VPS33B: variants seen among roughly 807,000 people sequenced by gnomAD.
VPS33B encodes vacuolar protein sorting-associated protein 33B.
A neutral mutation model predicts 95.3 loss-of-function variants in VPS33B; 80 were observed. The observed-to-expected ratio is 0.84, with a 90% CI of 0.70 to 1.01. VPS33B has a LOEUF of 1.01. VPS33B is among the 50% of genes least tolerant of loss of function. The probability of loss-of-function intolerance (pLI) is 0.00; values close to 1 mark genes in which losing one functional copy is unlikely to be tolerated. For missense variants in VPS33B, 715 were observed against 773.4 expected (o/e 0.92, Z 0.90); for synonymous variants, 280 against 280.4 (o/e 1.00, Z 0.01).
At chr15:91,008,734 G>A (rs913038508) in intron 6 of VPS33B, among the ~76,000 whole-genome samples, 7 of 152,154 alleles carry the variant, frequency 4.6e-5, no homozygotes, top group African/African-American at 1.7e-4. Context: ...ATTAAATCAC[G>A]GTTGTGCTCC....
Position 91,000,956 on chromosome 15 carries a change from T to A in VPS33B, c.1480-365A>T, listed in dbSNP as rs981282199. 2.7e-6 allele frequency: 1 copy of A among 364,386 alleles called. No individual in the cohort carries two copies. Among genetic ancestry groups the A allele is most frequent in the Admixed American group, 4.1e-5 (1 of 24,188 alleles). 22.6% of individuals were successfully genotyped at this position (364,386 alleles called of 1,614,324 possible). ...TTAAATGAATGAATCTACCATGCTA[T>A]AAGACTACCAAACAAAAGAATCTTT... is the stretch of plus-strand genomic sequence containing the variant. On this transcript the variant is annotated intron_variant, in intron 19 of 22. Transcript: ENST00000333371. This position sits in a 1 kb window ranked among gnomAD's most constrained non-coding sequence, Gnocchi z 4.9.
Position 91,002,585 on chromosome 15 carries a change from G to A in VPS33B, c.1273-403C>T, listed in dbSNP as rs1287983789. Among the ~76,000 whole-genome samples, 3 of 149,134 alleles carry A rather than the reference G, an allele frequency of 2.0e-5. No homozygotes were observed. Among genetic ancestry groups the A allele is most frequent in the African/African-American group, 5.0e-5 (2 of 40,286 alleles). On this transcript the variant is annotated intron_variant, in intron 17 of 22. Coordinates refer to ENST00000333371, the MANE Select transcript of VPS33B (RefSeq NM_018668.5). This position sits in a 1 kb window ranked among gnomAD's most constrained non-coding sequence, Gnocchi z 4.7. ...GCAGAGGCTGCAGTGAGTGGAGATC[G>A]CGCCACTGCACTCTAGCTTGGGCAA...
rs1596376054 is a variant in VPS33B at position 91,022,270 on chromosome 15, C to T, written c.-21G>A. The T allele has an allele frequency of 6.5e-7, 1 of 1,538,196 alleles. No individual in the cohort carries two copies. Among genetic ancestry groups the T allele is most frequent in the East Asian group, 2.4e-5 (1 of 41,246 alleles). On this transcript the variant is annotated 5_prime_UTR_variant, in exon 1 of 23. Transcript: ENST00000333371. ...GCCATGGCAGCGGTCACCTGCGCCG[C>T]GGGGTGGAAGGACGCCCTTCGTTCT...
intron 4 of VPS33B, among the ~76,000 whole-genome samples, chr15:91,014,124 C>A (rs2040854859): frequency 6.8e-6 from 1 of 147,700 alleles, no homozygotes; most frequent in African/African-American, 2.5e-5. Context: ...GAGGCTAAGG[C>A]AAGAGAATCG....
At chr15:91,008,201 A>C (rs891459254) in intron 6 of VPS33B, among the ~76,000 whole-genome samples, 1 of 152,204 alleles carries the variant, frequency 6.6e-6, no homozygotes. Flanking sequence ...ATACAATGTG[A>C]TAAGTGGTGG....
At chr15:91,016,457 ACTG>A (rs2040930517) in intron 3 of VPS33B, among the ~76,000 whole-genome samples, 1 of 132,740 alleles carries the variant, frequency 7.5e-6, no homozygotes, top group Non-Finnish European at 1.5e-5. Flanking sequence ...ATCTTGGCTC[ACTG>A]CAACTCATCG....
At chr15:91,017,936 C>T in intron 1 of VPS33B, 51 bp from the exon 2 acceptor site, 2 of 1,588,830 alleles carry the variant, frequency 1.3e-6, no homozygotes, top group Non-Finnish European at 8.6e-7. Context: ...TGAGCTTCCG[C>T]AGCTGAGAAG....
chr15:91,020,391 G>T (rs1262224486), intron 1 of VPS33B, among the ~76,000 whole-genome samples: 3 of 152,200 alleles, frequency 2.0e-5, no homozygotes, highest in Non-Finnish European at 2.9e-5. Context: ...TAAGTCAGAA[G>T]TTAGTTAGGA....
At chr15:91,003,713 C>T (rs1363055366) in intron 16 of VPS33B, among the ~76,000 whole-genome samples, 2 of 152,184 alleles carry the variant, frequency 1.3e-5, no homozygotes, top group African/African-American at 2.4e-5. Context: ...GCTAGGATTA[C>T]AGGCATGAGC....
At position 91,006,805 on chromosome 15, in the gene VPS33B, A is replaced by G. The variant is rs1451178731; in HGVS notation, c.701-76T>C. On this transcript the variant is annotated intron_variant, in intron 9 of 22. Coordinates refer to ENST00000333371, the MANE Select transcript of VPS33B (RefSeq NM_018668.5). The surrounding 1 kb of genome is among the most constrained non-coding windows in gnomAD (Gnocchi z 5.4). ...CACAGCATGTCCAAGGGCAGCTTTGATACTTTCCATAGGGCCAAGGACCCA... is the reference window on the plus strand; with the variant it reads ...CACAGCATGTCCAAGGGCAGCTTTGGTACTTTCCATAGGGCCAAGGACCCA... 13 of 1,597,366 alleles carry G rather than the reference A, an allele frequency of 8.1e-6. No homozygotes were observed. Among genetic ancestry groups the G allele is most frequent in the Non-Finnish European group, 1.1e-5 (13 of 1,165,144 alleles).
At position 91,007,965 on chromosome 15, in the gene VPS33B, C is replaced by T; in HGVS notation, c.404-1G>A. ...AAGGCCCATTCATCACAGCTCACAT[C>T]TGTGGGGACAGAGAGCATCAGCCTC... On this transcript the variant is annotated splice_acceptor_variant, in intron 6 of 22. Transcript: ENST00000333371. LOFTEE classifies it high-confidence loss of function. The surrounding 1 kb of genome is among the most constrained non-coding windows in gnomAD (Gnocchi z 5.3). 1 of 1,614,182 alleles carries T rather than the reference C, an allele frequency of 6.2e-7. No individual in the cohort carries two copies. The highest frequency in any genetic ancestry group is 8.5e-7 in the Non-Finnish European group (1 of 1,180,006).
At position 91,018,845 on chromosome 15, in the gene VPS33B, T is replaced by G. The variant is rs1005698785; in HGVS notation, c.97-960A>C. Among the ~76,000 whole-genome samples the G allele has an allele frequency of 6.6e-6, 1 of 152,176 alleles. No individual in the cohort carries two copies. Among genetic ancestry groups the G allele is most frequent in the Non-Finnish European group, 1.5e-5 (1 of 68,028 alleles). On this transcript the variant is annotated intron_variant, in intron 1 of 22. Transcript: ENST00000333371. The surrounding 1 kb of genome is among the most constrained non-coding windows in gnomAD (Gnocchi z 4.7). Reference sequence around the variant, plus strand: ...TTTGTTTGTTTTTTGAGATGAAGTCTCCCTCTGACACCCAGGCTGGAGTGC... The same window carrying G: ...TTTGTTTGTTTTTTGAGATGAAGTCGCCCTCTGACACCCAGGCTGGAGTGC...
In VPS33B at chr15:91,007,255, A is replaced by T. The variant is rs187568485; in HGVS notation, c.604-209T>A. On this transcript the variant is annotated intron_variant, in intron 8 of 22. Transcript: ENST00000333371. The surrounding 1 kb of genome is among the most constrained non-coding windows in gnomAD (Gnocchi z 5.3). ...GAGAAGATGTGTTACTCTGTCCCCA[A>T]AATAAAAAGAGATTTAGGAATGCTA... 2.0e-5 allele frequency among the ~76,000 whole-genome samples: 3 copies of T among 152,316 alleles called. No homozygotes were observed. The East Asian group carries it at 5.8e-4, about 29-fold the overall frequency.
chr15:91,016,375 C>CTTTTTTTTTTT (rs796637381), intron 3 of VPS33B, among the ~76,000 whole-genome samples: 1 of 96,014 alleles, frequency 1.0e-5, no homozygotes, highest in African/African-American at 4.2e-5. Context: ...GCAGATTCTT[C>CTTTTTTTTTTT]TTTTTTTTTT....
Position 91,005,076 on chromosome 15 carries a change from A to G in VPS33B, c.1149T>C (p.Ile383=). Residue 383 remains isoleucine (I), a synonymous_variant, in exon 15 of 23, where the codon ATT becomes ATC. Transcript: ENST00000333371. This position sits in a 1 kb window ranked among gnomAD's most constrained non-coding sequence, Gnocchi z 6.4. The part of the protein sequence containing the change: ...GFNIRESTSY[I]EEHIDRQVSP... ...GCACCTGCCGGTCTATGTGTTCCTC[A>G]ATGTAGCTGGTGCTCTCCCGGATGT... 1 of 1,614,162 alleles carries G rather than the reference A, an allele frequency of 6.2e-7. No individual in the cohort carries two copies. Among genetic ancestry groups the G allele is most frequent in the Non-Finnish European group, 8.5e-7 (1 of 1,180,032 alleles).
chr15:91,000,584 C>T lies in VPS33B; in HGVS notation c.1487G>A (p.Arg496His), dbSNP rs748759914. 3.7e-6 allele frequency: 6 copies of T among 1,612,104 alleles called. No homozygotes were observed. Among genetic ancestry groups the T allele is most frequent in the South Asian group, 2.2e-5 (2 of 91,062 alleles). The change falls in exon 20 of 23, where the codon CGT (arginine) becomes CAT (histidine). Residue 496 changes from arginine (R) to histidine (H), a missense_variant. Arg to His is a conservative substitution (Grantham distance 29, BLOSUM62 0). Transcript: ENST00000333371. This position sits in a 1 kb window ranked among gnomAD's most constrained non-coding sequence, Gnocchi z 4.9. ...AISKKLNLIP[R>H]VDGEYDLKVP... ...TTTCAGATCATACTCGCCGTCCACACGTGGGATCTGTAAGACAAAGGGACT... is the reference window on the plus strand; with the variant it reads ...TTTCAGATCATACTCGCCGTCCACATGTGGGATCTGTAAGACAAAGGGACT...
At position 91,015,236 on chromosome 15, in the gene VPS33B, T is replaced by C. The variant is rs1024101339; in HGVS notation, c.240-803A>G. On this transcript the variant is annotated intron_variant, in intron 3 of 22. Transcript: ENST00000333371. The surrounding 1 kb of genome is among the most constrained non-coding windows in gnomAD (Gnocchi z 4.7). Reference sequence around the variant, plus strand: ...CTGTAATCCCAGCTACGCAGGAGGCTGAGGCAGGAGAATCGCTTGAACCCA... The same window carrying C: ...CTGTAATCCCAGCTACGCAGGAGGCCGAGGCAGGAGAATCGCTTGAACCCA... 2.6e-5 allele frequency among the ~76,000 whole-genome samples: 4 copies of C among 151,952 alleles called. No individual in the cohort carries two copies. The highest frequency in any genetic ancestry group is 2.6e-4 in the Admixed American group (4 of 15,248).
In VPS33B at chr15:91,009,936, A is replaced by G. The variant is rs2151675019; in HGVS notation, c.358-90T>C. 5.4e-6 allele frequency: 8 copies of G among 1,472,614 alleles called. No individual in the cohort carries two copies. The highest frequency in any genetic ancestry group is 1.4e-5 in the African/African-American group (1 of 71,878). The allele number at this position is 1,472,614 out of a possible 1,614,324, so 91.2% of individuals were successfully genotyped here. ...TTCCTCTGTGGTCACTGATGAGGAC[A>G]ATAATTGCCGAACCCAGTGAAAGAC... On this transcript the variant is annotated intron_variant, in intron 5 of 22. Coordinates refer to ENST00000333371, the MANE Select transcript of VPS33B (RefSeq NM_018668.5). The surrounding 1 kb of genome is among the most constrained non-coding windows in gnomAD (Gnocchi z 4.1).
At position 91,013,103 on chromosome 15, in the gene VPS33B, G is replaced by A. The variant is rs945620425; in HGVS notation, c.357+701C>T. On this transcript the variant is annotated intron_variant, in intron 5 of 22. Transcript: ENST00000333371. This position sits in a 1 kb window ranked among gnomAD's most constrained non-coding sequence, Gnocchi z 4.5. ...ACAGGGAGAAAGTCACTGGAAAGCC[G>A]TAACATTGTGCACCATTACTATACT... Among the ~76,000 whole-genome samples the A allele has an allele frequency of 2.6e-5, 4 of 152,162 alleles. No individual in the cohort carries two copies. Among genetic ancestry groups the A allele is most frequent in the Non-Finnish European group, 5.9e-5 (4 of 68,030 alleles).
Sources: allele counts gnomAD v4.1 joint callset (sites outside exome capture counted in the v4.1 genomes callset), GRCh38; gene constraint gnomAD v4.1.1; non-coding constraint Gnocchi (gnomAD v3.1); transcripts MANE v1.5; gene names NCBI Gene and HGNC (gene_info 2026-07-23, HGNC 2026-07-21).